The following TOMM20 variants were observed in gnomAD, a reference collection of about 807,000 sequenced individuals.
TOMM20 encodes translocase of outer mitochondrial membrane 20, also known as mitochondrial import receptor subunit TOM20 homolog.
Under a neutral mutation model 22.1 loss-of-function variants are expected in TOMM20, and 10 were observed. The ratio of observed to expected loss-of-function variants is 0.45; its 90% CI spans 0.28 to 0.77. TOMM20 has a LOEUF of 0.77. TOMM20 is among the 30% of genes least tolerant of loss of function. The probability of loss-of-function intolerance (pLI) is 0.13; values close to 1 mark genes in which losing one functional copy is unlikely to be tolerated. For missense variants in TOMM20, 121 were observed against 172.2 expected (o/e 0.70, Z 1.66); for synonymous variants, 55 against 61.4 (o/e 0.90, Z 0.49).
intron 3 of TOMM20, among the ~76,000 whole-genome samples, chr1:235,116,131 G>C (rs1275876780): frequency 6.6e-6 from 1 of 152,164 alleles, no homozygotes; most frequent in East Asian, 1.9e-4. Context: ...AAATGAACGG[G>C]AACGGCGGCT....
At position 235,110,102 on chromosome 1, in the gene TOMM20, G is replaced by A. The variant is rs1660715091; in HGVS notation, c.*1962C>T. 6.6e-6 allele frequency: 1 copy of A among 152,158 alleles called. No individual in the cohort carries two copies. Among genetic ancestry groups the A allele is most frequent in the Non-Finnish European group, 1.5e-5 (1 of 68,022 alleles). The allele number at this position is 152,158 out of a possible 1,614,324, so 9.4% of individuals were successfully genotyped here. Reference sequence around the variant, plus strand: ...AATAAGAAAACGTACTTGGGTTAATGAACTGTAAAATGAAGATACCAACGC... The same window carrying A: ...AATAAGAAAACGTACTTGGGTTAATAAACTGTAAAATGAAGATACCAACGC... On this transcript the variant is annotated 3_prime_UTR_variant, in exon 5 of 5. Transcript: ENST00000366607.
chr1:235,127,568 C>T (rs1314719484), intron 1 of TOMM20, among the ~76,000 whole-genome samples: 1 of 152,192 alleles, frequency 6.6e-6, no homozygotes, highest in East Asian at 1.9e-4. Context: ...TAAACCGTAA[C>T]CACTGTTACT....
chr1:235,128,055 T>A (rs1249345048), intron 1 of TOMM20: 3 of 347,788 alleles, frequency 8.6e-6, no homozygotes, highest in African/African-American at 6.4e-5. Flanking sequence ...CCGACTGTAA[T>A]CCCAGCTACT....
chr1:235,114,353 T>C (rs1660793951), intron 3 of TOMM20, among the ~76,000 whole-genome samples: 1 of 151,482 alleles, frequency 6.6e-6, no homozygotes. Flanking sequence ...TTTTAAGTGA[T>C]ACTAGCAGGA....
intron 1 of TOMM20, among the ~76,000 whole-genome samples, chr1:235,126,084 TAGATAA>T (rs1558130958): frequency 6.6e-6 from 1 of 150,400 alleles, no homozygotes; most frequent in Non-Finnish European, 1.5e-5. Flanking sequence ...GATAGATAGA[TAGATAA>T]AGATAGATAG....
intron 1 of TOMM20, among the ~76,000 whole-genome samples, chr1:235,123,330 C>CAA (rs911348841): frequency 1.3e-5 from 2 of 151,970 alleles, no homozygotes; most frequent in African/African-American, 4.8e-5. Flanking sequence ...ACTAAAAATA[C>CAA]AAAAATTAGC....
intron 3 of TOMM20, among the ~76,000 whole-genome samples, chr1:235,116,866 T>C (rs1360763815): frequency 6.6e-6 from 1 of 152,126 alleles, no homozygotes; most frequent in Non-Finnish European, 1.5e-5. Context: ...CTGGGCACGC[T>C]GGCTCAAGCC....
At chr1:235,113,741 T>G (rs889165437) in intron 4 of TOMM20, 27 bp downstream of exon 4, 16 of 1,586,832 alleles carry the variant, frequency 1.0e-5, no homozygotes, top group Non-Finnish European at 1.1e-5. Context: ...CCACTCACTT[T>G]TATGTCATAA....
intron 1 of TOMM20, among the ~76,000 whole-genome samples, chr1:235,125,947 G>A (rs978772316): frequency 2.7e-5 from 4 of 150,316 alleles, no homozygotes; most frequent in African/African-American, 9.8e-5. Flanking sequence ...TAGTAGAGAC[G>A]GGGTTTCACC....
Position 235,128,809 on chromosome 1 carries a change from C to A in TOMM20, c.-94G>T. On this transcript the variant is annotated 5_prime_UTR_variant, in exon 1 of 5. Transcript: ENST00000366607. ...CAGAGCGGTCGGCGCAGCTCACACC[C>A]GACGGCCGCGGGCCAGGAACACAGA... The A allele has an allele frequency of 6.4e-7, 1 of 1,564,252 alleles. No individual in the cohort carries two copies. Among genetic ancestry groups the A allele is most frequent in the South Asian group, 1.1e-5 (1 of 87,162 alleles).
rs567782966 is a variant in TOMM20, at chr1:235,110,480, C to G, written c.*1584G>C. ...GGCATGTCTGTACTGGTCATCCCCCCAAAAAAGCCCTCCTGTGTAACAAAA... is the reference window on the plus strand; with the variant it reads ...GGCATGTCTGTACTGGTCATCCCCCGAAAAAAGCCCTCCTGTGTAACAAAA... On this transcript the variant is annotated 3_prime_UTR_variant, in exon 5 of 5. Transcript: ENST00000366607. 2 of 152,236 alleles carry G rather than the reference C, an allele frequency of 1.3e-5. No homozygotes were observed. Among genetic ancestry groups the G allele is most frequent in the African/African-American group, 4.8e-5 (2 of 41,508 alleles). The allele number at this position is 152,236 out of a possible 1,614,324, so 9.4% of individuals were successfully genotyped here.
intron 3 of TOMM20, among the ~76,000 whole-genome samples, chr1:235,116,889 A>G (rs1168664731): frequency 1.3e-5 from 2 of 152,148 alleles, no homozygotes; most frequent in Admixed American, 1.3e-4. Context: ...TAATCCCAGC[A>G]CTTTGGGAGG....
chr1:235,125,955 A>G (rs1484773348), intron 1 of TOMM20, among the ~76,000 whole-genome samples: 1 of 149,868 alleles, frequency 6.7e-6, no homozygotes, highest in Non-Finnish European at 1.5e-5. Context: ...ACGGGGTTTC[A>G]CCATGTTGAC....
intron 1 of TOMM20, 79 bp downstream of exon 1, chr1:235,128,516 G>A: frequency 6.2e-7 from 1 of 1,601,646 alleles, no homozygotes; most frequent in Non-Finnish European, 8.5e-7. Flanking sequence ...CCACAGGCTG[G>A]TGGGAGGCAA....
intron 1 of TOMM20, among the ~76,000 whole-genome samples, chr1:235,126,690 C>T (rs1661028331): frequency 6.6e-6 from 1 of 151,966 alleles, no homozygotes; most frequent in African/African-American, 2.4e-5. Flanking sequence ...GTAATCCCAG[C>T]TACTCAGGAG....
At chr1:235,128,022 A>G (rs1488175166) in intron 1 of TOMM20, 1 of 373,758 alleles carries the variant, frequency 2.7e-6, no homozygotes, top group Non-Finnish European at 5.3e-6. Context: ...CTAAACACAA[A>G]AAATCACCGG....
At chr1:235,122,982 AGTAACTGC>A (rs1660952157) in intron 1 of TOMM20, among the ~76,000 whole-genome samples, 2 of 152,204 alleles carry the variant, frequency 1.3e-5, no homozygotes, top group Non-Finnish European at 2.9e-5. Context: ...TGACATAGAG[AGTAACTGC>A]TGACATAGTT....
chr1:235,125,895 G>A (rs1661008939), intron 1 of TOMM20, among the ~76,000 whole-genome samples: 1 of 150,632 alleles, frequency 6.6e-6, no homozygotes, highest in Non-Finnish European at 1.5e-5. Context: ...GACTACAGGT[G>A]CGTGCCACCA....
chr1:235,111,896 A>G lies in TOMM20; in HGVS notation c.*168T>C. 4.6e-6 allele frequency: 3 copies of G among 646,066 alleles called. No homozygotes were observed. The South Asian group carries it at 5.4e-5, about 12-fold the overall frequency. The allele number at this position is 646,066 out of a possible 1,614,324, so 40.0% of individuals were successfully genotyped here. On this transcript the variant is annotated 3_prime_UTR_variant, in exon 5 of 5. Transcript: ENST00000366607. ...ATCAAAATACACTTTTCACTGGGAA[A>G]AATAAATAAAATAGACAAATGGATC...
Sources: allele counts gnomAD v4.1 joint callset (sites outside exome capture counted in the v4.1 genomes callset), GRCh38; gene constraint gnomAD v4.1.1; transcripts MANE v1.5; gene names NCBI Gene and HGNC (gene_info 2026-07-23, HGNC 2026-07-21).